Variants in HAGH observed in about 807,000 individuals in gnomAD.
The protein encoded by HAGH is hydroxyacylglutathione hydrolase, mitochondrial.
A neutral mutation model predicts 35.1 loss-of-function variants in HAGH; 29 were observed. The observed-to-expected ratio is 0.83, with a 90% CI of 0.62 to 1.13. HAGH has a LOEUF of 1.13. Ranked by LOEUF, HAGH falls within the 50% of genes most tolerant of loss-of-function variation. The probability of loss-of-function intolerance (pLI) is 0.00; values close to 1 mark genes in which losing one functional copy is unlikely to be tolerated. For synonymous variants in HAGH, 225 were observed against 176.1 expected (o/e 1.28, Z -2.20); for missense variants, 478 against 419.6 (o/e 1.14, Z -1.22).
chr16:1,813,228 C>T (rs1459886654), intron 7 of HAGH, among the ~76,000 whole-genome samples: 1 of 152,078 alleles, frequency 6.6e-6, no homozygotes, highest in African/African-American at 2.4e-5. Flanking sequence ...AAACTTTTGC[C>T]TCCCCCACTC....
chr16:1,816,277 A>C (rs1298635919), intron 7 of HAGH, among the ~76,000 whole-genome samples: 1 of 151,932 alleles, frequency 6.6e-6, no homozygotes, highest in Admixed American at 6.5e-5. Flanking sequence ...TTGCATGAGT[A>C]AATACTGTAA....
chr16:1,822,056 G>T, intron 3 of HAGH: 1 of 522,028 alleles, frequency 1.9e-6, no homozygotes. Flanking sequence ...AGAGAGCCGG[G>T]GGGTGGGGCC....
At chr16:1,826,599 G>T in intron 1 of HAGH, 113 bp downstream of exon 1, 2 of 982,090 alleles carry the variant, frequency 2.0e-6, no homozygotes. Context: ...GCGGCCTTAG[G>T]CACCTGCGCA....
chr16:1,824,127 C>G (rs3760041), intron 1 of HAGH, among the ~76,000 whole-genome samples: 7,257 of 151,784 alleles, frequency 0.048, 464 homozygotes, highest in East Asian at 0.15. Flanking sequence ...CAGGCTGAGG[C>G]AGGAGAATTG....
chr16:1,821,125 G>C (rs1898134897), intron 3 of HAGH, among the ~76,000 whole-genome samples: 1 of 152,168 alleles, frequency 6.6e-6, no homozygotes, highest in African/African-American at 2.4e-5. Context: ...CGTGCTGAGA[G>C]ACAGCAGCTC....
intron 7 of HAGH, among the ~76,000 whole-genome samples, chr16:1,811,216 C>T (rs1006876513): frequency 1.3e-5 from 2 of 151,946 alleles, no homozygotes; most frequent in African/African-American, 4.8e-5. Context: ...GAGTTCGAGA[C>T]CAGCCTGGGC....
At chr16:1,822,449 C>G in intron 2 of HAGH, 85 bp from the exon 3 acceptor site, 1 of 1,025,096 alleles carries the variant, frequency 9.8e-7, no homozygotes, top group Non-Finnish European at 1.5e-6. Context: ...CCCAGCAGAA[C>G]CCAGGACACG....
At position 1,811,162 on chromosome 16, in the gene HAGH, C is replaced by T. The variant is rs555122462; in HGVS notation, c.748-1329G>A. On this transcript the variant is annotated intron_variant, in intron 7 of 8. Coordinates refer to ENST00000397356, the MANE Select transcript of HAGH (RefSeq NM_005326.6). ...AGCGCAGTGGCTCACGCCTGTAATC[C>T]TAACACTTTGGGAGGCCGAGGTGGG... Among the ~76,000 whole-genome samples the T allele has an allele frequency of 2.0e-5, 3 of 152,326 alleles. No homozygotes were observed. The East Asian group carries it at 5.8e-4, about 29-fold the overall frequency.
chr16:1,825,875 T>TA (rs1898383847), intron 1 of HAGH, among the ~76,000 whole-genome samples: 1 of 152,170 alleles, frequency 6.6e-6, no homozygotes, highest in Non-Finnish European at 1.5e-5. Flanking sequence ...CACTTCTTTT[T>TA]TAAATCAGGA....
chr16:1,827,056 G>A, upstream of HAGH: 7 of 904,534 alleles, frequency 7.7e-6, no homozygotes, highest in Non-Finnish European at 1.1e-5. Flanking sequence ...CTCTTTTTTG[G>A]CACCGCACAG....
Position 1,809,384 on chromosome 16 carries a change from T to C in HAGH, c.828-2A>G. The C allele has an allele frequency of 6.2e-7, 1 of 1,607,920 alleles. No individual in the cohort carries two copies. The highest frequency in any genetic ancestry group is 8.5e-7 in the Non-Finnish European group (1 of 1,178,798). On this transcript the variant is annotated splice_acceptor_variant, in intron 8 of 8. Transcript: ENST00000397356. LOFTEE classifies it high-confidence loss of function. Reference sequence around the variant, plus strand: ...GCGTGCTGCTGCACCGTCTTCTCCCTGCGGAGGCCAGCACCGGGCTGCAGG... The same window carrying C: ...GCGTGCTGCTGCACCGTCTTCTCCCCGCGGAGGCCAGCACCGGGCTGCAGG...
intron 7 of HAGH, chr16:1,810,667 C>T (rs540052671): frequency 3.3e-5 from 5 of 152,516 alleles, no homozygotes; most frequent in Admixed American, 1.3e-4. Context: ...CACACAGCCC[C>T]GGCCCTTCTA....
chr16:1,822,804 G>T, intron 2 of HAGH, 61 bp downstream of exon 2: 2 of 1,418,196 alleles, frequency 1.4e-6, no homozygotes, highest in Non-Finnish European at 9.9e-7. Flanking sequence ...GAAACCCATC[G>T]GGGGTGAGGA....
intron 7 of HAGH, among the ~76,000 whole-genome samples, chr16:1,814,433 C>A (rs1236255441): frequency 6.7e-6 from 1 of 149,662 alleles, no homozygotes; most frequent in Non-Finnish European, 1.5e-5. Context: ...GAGATCGCGC[C>A]GCTGCACTCC....
At chr16:1,818,313 C>A (rs865945744) in intron 5 of HAGH, among the ~76,000 whole-genome samples, 26 of 152,184 alleles carry the variant, frequency 1.7e-4, no homozygotes, top group Admixed American at 3.3e-4. Flanking sequence ...CAGCCCTGCG[C>A]ACTGCAGCCT....
At chr16:1,815,763 A>C (rs954602601) in intron 7 of HAGH, among the ~76,000 whole-genome samples, 1 of 152,124 alleles carries the variant, frequency 6.6e-6, no homozygotes, top group South Asian at 2.1e-4. Context: ...TCACGCCTGT[A>C]ATCTCAGCAC....
intron 7 of HAGH, among the ~76,000 whole-genome samples, chr16:1,815,300 C>T (rs534800661): frequency 6.6e-6 from 1 of 152,320 alleles, no homozygotes; most frequent in South Asian, 2.1e-4. Flanking sequence ...CACCTTTAAC[C>T]ACACAACACA....
At chr16:1,820,998 G>C (rs552265461) in intron 3 of HAGH, among the ~76,000 whole-genome samples, 16 of 152,320 alleles carry the variant, frequency 1.1e-4, no homozygotes, top group Admixed American at 3.3e-4. Context: ...GCGAGGCCGG[G>C]AGAGGCAGGG....
At chr16:1,817,038 C>T (rs377217981) in intron 6 of HAGH, 44 bp from the exon 7 acceptor site, 93 of 1,446,658 alleles carry the variant, frequency 6.4e-5, no homozygotes, top group Middle Eastern at 3.5e-4. Flanking sequence ...CTGTTACCAC[C>T]TGTGAAAGTC....
Sources: allele counts gnomAD v4.1 joint callset (sites outside exome capture counted in the v4.1 genomes callset), GRCh38; gene constraint gnomAD v4.1.1; transcripts MANE v1.5; gene names NCBI Gene and HGNC (gene_info 2026-07-23, HGNC 2026-07-21).